Variants in ANKK1 observed in about 807,000 individuals in gnomAD.
ANKK1 encodes the protein ankyrin repeat and protein kinase domain-containing protein 1.
In ANKK1, 37 loss-of-function variants were observed where a neutral mutation model predicts 37.6. The ratio of observed to expected loss-of-function variants is 0.98; its 90% CI spans 0.76 to 1.29. ANKK1 has a LOEUF of 1.29. Ranked by LOEUF, ANKK1 falls within the 50% of genes most tolerant of loss-of-function variation. ANKK1 has a pLI of 0.00. For synonymous variants in ANKK1, 415 were observed against 418.7 expected (o/e 0.99, Z 0.11); for missense variants, 1,019 against 990.6 (o/e 1.03, Z -0.39).
At chr11:113,394,217 C>T (rs954140249) in intron 2 of ANKK1, among the ~76,000 whole-genome samples, 1 of 152,186 alleles carries the variant, frequency 6.6e-6, no homozygotes, top group Non-Finnish European at 1.5e-5. Flanking sequence ...GCTTAACCAT[C>T]ACCTCCTCAG....
chr11:113,398,777 G>A (rs551774128), intron 7 of ANKK1, among the ~76,000 whole-genome samples, 187 bp from the exon 8 acceptor site: 2 of 152,252 alleles, frequency 1.3e-5, no homozygotes, highest in South Asian at 2.1e-4. Flanking sequence ...AGCTCTCCAG[G>A]ACGACCGAGC....
rs922834943 is a variant in ANKK1, at chr11:113,399,139, C to T, written c.1170C>T (p.Cys390=). 6.3e-7 allele frequency: 1 copy of T among 1,594,826 alleles called. No individual in the cohort carries two copies. Among genetic ancestry groups the T allele is most frequent in the Non-Finnish European group, 8.5e-7 (1 of 1,170,948 alleles). ...LLLAHEVDVD[C]QTASGYTPLL... is the part of the protein sequence containing the mutation. The stretch of plus-strand genomic sequence containing the variant: ...TGGCCCACGAGGTAGACGTGGACTG[C>T]CAGACGGCCTCTGGATACACGCCCC... Residue 390 remains cysteine (C), a synonymous_variant, in exon 8 of 8, where the codon TGC becomes TGT. Coordinates refer to ENST00000303941, the MANE Select transcript of ANKK1 (RefSeq NM_178510.2).
Position 113,399,423 on chromosome 11 carries a change from C to T in ANKK1, c.1454C>T (p.Ala485Val). 6.3e-7 allele frequency: 1 copy of T among 1,599,960 alleles called. No individual in the cohort carries two copies. Among genetic ancestry groups the T allele is most frequent in the South Asian group, 1.1e-5 (1 of 88,332 alleles). ...GCACGGCTTCTGGTCTCCCGTCAGG[C>T]TGACCCCAACCTGCATGAGGCTGAG... Reference protein sequence around the residue: ...NVARLLVSRQADPNLHEAEGK... With the variant: ...NVARLLVSRQVDPNLHEAEGK... Residue 485 changes from alanine to valine, a missense_variant, in exon 8 of 8, where the codon GCT (alanine) becomes GTT (valine). Coordinates refer to ENST00000303941, the MANE Select transcript of ANKK1 (RefSeq NM_178510.2).
In ANKK1 at chr11:113,388,057, C is replaced by G. The variant is rs752893588; in HGVS notation, c.173C>G (p.Pro58Arg). Residue 58 changes from proline to arginine, a missense_variant, in exon 1 of 8, where the codon CCC (proline) becomes CGC (arginine). By Grantham distance (103) the Pro-to-Arg change is moderately radical. Coordinates refer to ENST00000303941, the MANE Select transcript of ANKK1 (RefSeq NM_178510.2). ...ATCAAGTGCGCCCCCTGCCTTCCAC[C>G]CGACGCCGCCAGGTACTGCCAGCCT... ...YAIKCAPCLP[P>R]DAASSDVNYL... 4 of 1,509,752 alleles carry G rather than the reference C, an allele frequency of 2.6e-6. No individual in the cohort carries two copies. The African/African-American group carries it at 4.2e-5, about 16-fold the overall frequency. The allele number at this position is 1,509,752 out of a possible 1,614,324, so 93.5% of individuals were successfully genotyped here. A position where few individuals can be genotyped will look rare whatever the true frequency, so the allele number is the denominator to read the frequency against.
chr11:113,398,110 C>A, intron 7 of ANKK1, 94 bp downstream of exon 7: 3 of 1,411,208 alleles, frequency 2.1e-6, no homozygotes, highest in Non-Finnish European at 2.9e-6. Flanking sequence ...GCCTCCCCCT[C>A]ATCCCCAGGC....
In ANKK1 at chr11:113,389,172, C is replaced by T. The variant is rs182667275; in HGVS notation, c.185+1103C>T. The stretch of plus-strand genomic sequence containing the variant: ...TAGGATTTGTCTAAATCATTTATAG[C>T]CTTTTGAATATAGAACGAAAGGAAA... On this transcript the variant is annotated intron_variant, in intron 1 of 7. Transcript: ENST00000303941. Among the ~76,000 whole-genome samples, 13 of 152,194 alleles carry T rather than the reference C, an allele frequency of 8.5e-5. No individual in the cohort carries two copies. The East Asian group carries it at 2.5e-3, about 29-fold the overall frequency.
intron 7 of ANKK1, 32 bp downstream of exon 7, chr11:113,398,048 A>G (rs1204253646): frequency 6.4e-7 from 1 of 1,560,184 alleles, no homozygotes; most frequent in Non-Finnish European, 8.7e-7. Flanking sequence ...GGGACCAGAG[A>G]ACTCACAGCA....
chr11:113,391,369 G>A (rs1950585788), intron 1 of ANKK1, among the ~76,000 whole-genome samples: 1 of 152,210 alleles, frequency 6.6e-6, no homozygotes, highest in Non-Finnish European at 1.5e-5. Context: ...TTGGAGAAGG[G>A]CAGTGACATG....
intron 4 of ANKK1, 95 bp downstream of exon 4, chr11:113,395,503 T>A: frequency 6.8e-6 from 9 of 1,325,026 alleles, no homozygotes; most frequent in South Asian, 1.2e-5. Flanking sequence ...TTGGGGGGGG[T>A]CAAGTTGCAG....
intron 1 of ANKK1, 100 bp from the exon 2 acceptor site, chr11:113,393,381 G>T: frequency 7.6e-7 from 1 of 1,317,158 alleles, no homozygotes; most frequent in Admixed American, 2.2e-5. Context: ...GCTTCTGTGG[G>T]TCCCCACAGT....
chr11:113,398,095 C>T, intron 7 of ANKK1, 79 bp downstream of exon 7: 2 of 1,491,690 alleles, frequency 1.3e-6, no homozygotes, highest in Non-Finnish European at 1.8e-6. Flanking sequence ...TTCCCCATCC[C>T]CCTGGCCTCC....
chr11:113,389,952 A>G (rs1950575019), intron 1 of ANKK1, among the ~76,000 whole-genome samples: 1 of 152,182 alleles, frequency 6.6e-6, no homozygotes, highest in Non-Finnish European at 1.5e-5. Flanking sequence ...GGAGATTGTT[A>G]TCTTCATTCT....
chr11:113,396,636 G>C lies in ANKK1; in HGVS notation c.838+414G>C, dbSNP rs907460435. On this transcript the variant is annotated intron_variant, in intron 5 of 7. Transcript: ENST00000303941. ...ATTACAGGTATGAACCACTGTACCT[G>C]GCCTAGAAGGACTTTTTGAGGCAGG... Among the ~76,000 whole-genome samples, 9 of 152,214 alleles carry C rather than the reference G, an allele frequency of 5.9e-5. No homozygotes were observed. The East Asian group carries it at 1.7e-3, about 29-fold the overall frequency.
chr11:113,390,805 A>T (rs889795460), intron 1 of ANKK1, among the ~76,000 whole-genome samples: 3 of 152,202 alleles, frequency 2.0e-5, no homozygotes, highest in African/African-American at 7.2e-5. Flanking sequence ...CTACGTGAAA[A>T]AAACAAAGTC....
intron 2 of ANKK1, 187 bp from the exon 3 acceptor site, chr11:113,394,742 G>T: frequency 1.3e-6 from 1 of 769,980 alleles, no homozygotes; most frequent in Non-Finnish European, 2.2e-6. Flanking sequence ...AGAAACTGAG[G>T]CTCTGAGAAG....
chr11:113,396,276 G>A, intron 5 of ANKK1, 54 bp downstream of exon 5: 2 of 1,600,002 alleles, frequency 1.3e-6, no homozygotes, highest in South Asian at 1.1e-5. Context: ...GGGCCGGGAG[G>A]GGAGATGACT....
At chr11:113,397,890 G>A in intron 6 of ANKK1, 90 bp from the exon 7 acceptor site, 2 of 1,409,618 alleles carry the variant, frequency 1.4e-6, no homozygotes, top group Admixed American at 2.0e-5. Context: ...CAGTGACCGG[G>A]AAGGTTGGAG....
At position 113,399,748 on chromosome 11, in the gene ANKK1, C is replaced by A; in HGVS notation, c.1779C>A (p.Gly593=). 1.2e-6 allele frequency: 2 copies of A among 1,603,090 alleles called. No individual in the cohort carries two copies. Among genetic ancestry groups the A allele is most frequent in the Non-Finnish European group, 1.7e-6 (2 of 1,175,050 alleles). The change falls in exon 8 of 8, where the codon GGC becomes GGA. Residue 593 remains glycine (G), a synonymous_variant. Coordinates refer to ENST00000303941, the MANE Select transcript of ANKK1 (RefSeq NM_178510.2). ...GCCTTGAGCTGCCCACCCACCAGGG[C>A]TGGACACCCCTGCATCTAGCAGCCT... ...GASLELPTHQ[G]WTPLHLAAYK...
chr11:113,394,196 CTCACTATTCAGCTTAACCA>C (rs1475688880), intron 2 of ANKK1, among the ~76,000 whole-genome samples: 5 of 152,296 alleles, frequency 3.3e-5, no homozygotes, highest in African/African-American at 1.2e-4. Flanking sequence ...CGAAGGTCTA[CTCACTATTCAGCTTAACCA>C]TCACCTCCTC....
Sources: allele counts gnomAD v4.1 joint callset (sites outside exome capture counted in the v4.1 genomes callset), GRCh38; gene constraint gnomAD v4.1.1; transcripts MANE v1.5; gene names NCBI Gene and HGNC (gene_info 2026-07-23, HGNC 2026-07-21).